SDC1: variants seen among roughly 807,000 people sequenced by gnomAD.
The protein encoded by SDC1 is syndecan 1.
A neutral mutation model predicts 29.7 loss-of-function variants in SDC1; 14 were observed. That is an observed-to-expected ratio of 0.47 (90% CI 0.31 to 0.74). The LOEUF is 0.74. Among genes scored for constraint, SDC1 ranks in the 30% least tolerant of loss-of-function variants. The pLI is 0.05. For synonymous variants in SDC1, 204 were observed against 175.5 expected (o/e 1.16, Z -1.29); for missense variants, 406 against 400.3 (o/e 1.01, Z -0.12).
intron 1 of SDC1, among the ~76,000 whole-genome samples, chr2:20,221,527 T>G (rs1677813906): frequency 1.3e-5 from 2 of 152,106 alleles, no homozygotes; most frequent in Non-Finnish European, 2.9e-5. Context: ...GCCTAGCATT[T>G]TTTGGTTGAT....
At chr2:20,213,892 T>C (rs940068690) in intron 1 of SDC1, among the ~76,000 whole-genome samples, 5 of 152,130 alleles carry the variant, frequency 3.3e-5, no homozygotes, top group Non-Finnish European at 4.4e-5. Flanking sequence ...TGTGTGAAGG[T>C]GGGGGAGGGG....
At position 20,224,006 on chromosome 2, in the gene SDC1, G is replaced by A. The variant is rs1677908190; in HGVS notation, c.66+796C>T. On this transcript the variant is annotated intron_variant, in intron 1 of 4. Coordinates refer to ENST00000254351, the MANE Select transcript of SDC1 (RefSeq NM_002997.5). The surrounding 1 kb of genome is among the most constrained non-coding windows in gnomAD (Gnocchi z 4.9). The stretch of plus-strand genomic sequence containing the variant: ...GGCTTCAGCACAAAGCCGAGCCGGG[G>A]AGCGGGAGGCCATTCCCGGGTCCCC... Among the ~76,000 whole-genome samples, 1 of 152,180 alleles carries A rather than the reference G, an allele frequency of 6.6e-6. No individual in the cohort carries two copies.
In SDC1 at chr2:20,224,707, G is replaced by T; in HGVS notation, c.66+95C>A. On this transcript the variant is annotated intron_variant, in intron 1 of 4. Coordinates refer to ENST00000254351, the MANE Select transcript of SDC1 (RefSeq NM_002997.5). This position sits in a 1 kb window ranked among gnomAD's most constrained non-coding sequence, Gnocchi z 4.9. ...TAGCGCGGGAAGAAGGGAAGTCTTC[G>T]CTCCCCCTCCCCCTCCACGTGCACC... 8.3e-7 allele frequency: 1 copy of T among 1,202,618 alleles called. No homozygotes were observed. Among genetic ancestry groups the T allele is most frequent in the Non-Finnish European group, 1.0e-6 (1 of 963,984 alleles). The allele number at this position is 1,202,618 out of a possible 1,614,324, so 74.5% of individuals were successfully genotyped here. A position where few individuals can be genotyped will look rare whatever the true frequency, so the allele number is the denominator to read the frequency against.
chr2:20,202,978 G>A (rs771050282), intron 4 of SDC1, 43 bp from the exon 5 acceptor site: 11 of 1,580,634 alleles, frequency 7.0e-6, no homozygotes, highest in Non-Finnish European at 9.5e-6. Flanking sequence ...GCGGCTCCTT[G>A]GGCTCTGCTG....
At chr2:20,204,366 TCG>T in intron 2 of SDC1, 75 bp from the exon 3 acceptor site, 1 of 624,714 alleles carries the variant, frequency 1.6e-6, no homozygotes, top group Non-Finnish European at 2.7e-6. Context: ...GTTGGGTGGG[TCG>T]GGGGAGGCTC....
Position 20,224,213 on chromosome 2 carries a change from C to CG in SDC1, c.66+588dup, listed in dbSNP as rs1452834679. 2.4e-6 allele frequency: 1 copy of CG among 414,586 alleles called. No individual in the cohort carries two copies. The highest frequency in any genetic ancestry group is 4.8e-6 in the Non-Finnish European group (1 of 208,020). 25.7% of individuals were successfully genotyped at this position (414,586 alleles called of 1,614,324 possible). A position where few individuals can be genotyped will look rare whatever the true frequency, so the allele number is the denominator to read the frequency against. On this transcript the variant is annotated intron_variant, in intron 1 of 4. Transcript: ENST00000254351. This position sits in a 1 kb window ranked among gnomAD's most constrained non-coding sequence, Gnocchi z 4.9. ...CACCTCGAGCCGCCCACGGCAAGCC[C>CG]GAGGGCCCTGCAGACGCTCGCCCGC...
chr2:20,217,607 C>T (rs934362281), intron 1 of SDC1, among the ~76,000 whole-genome samples: 1 of 152,208 alleles, frequency 6.6e-6, no homozygotes, highest in Admixed American at 6.5e-5. Context: ...AGGGCCAAGA[C>T]AGAAAGCCAG....
intron 2 of SDC1, 31 bp downstream of exon 2, chr2:20,205,312 T>G (rs1677224059): frequency 1.3e-6 from 2 of 1,576,288 alleles, no homozygotes; most frequent in African/African-American, 1.3e-5. Flanking sequence ...GTTGCCGTCT[T>G]GGGTGGGGGG....
chr2:20,204,525 C>T (rs28609977), intron 2 of SDC1, among the ~76,000 whole-genome samples: 4,813 of 152,012 alleles, frequency 0.032, 248 homozygotes, highest in African/African-American at 0.11. Context: ...TCTGGAGCCA[C>T]GAGACAGGTG....
chr2:20,219,503 C>T (rs542204959), intron 1 of SDC1, among the ~76,000 whole-genome samples: 2 of 152,292 alleles, frequency 1.3e-5, no homozygotes, highest in South Asian at 4.1e-4. Context: ...ACAACCTGCA[C>T]CCCAAACATA....
intron 1 of SDC1, among the ~76,000 whole-genome samples, chr2:20,218,544 GAC>G (rs1302442723): frequency 4.0e-5 from 6 of 148,550 alleles, no homozygotes; most frequent in South Asian, 2.1e-4. Context: ...CACACACACA[GAC>G]ACACACACAC....
chr2:20,224,356 C>A lies in SDC1; in HGVS notation c.66+446G>T, dbSNP rs553762358. The A allele has an allele frequency of 5.4e-4, 83 of 152,392 alleles. No individual in the cohort carries two copies. Among genetic ancestry groups the A allele is most frequent in the Non-Finnish European group, 1.0e-3 (69 of 68,680 alleles). 9.4% of individuals were successfully genotyped at this position (152,392 alleles called of 1,614,324 possible). A position where few individuals can be genotyped will look rare whatever the true frequency, so the allele number is the denominator to read the frequency against. ...CAAGGGGCGGGGCGCCCGGGCTCGG[C>A]GGCGCTGGGGCGCAAGCCCGCGGGT... On this transcript the variant is annotated intron_variant, in intron 1 of 4. Transcript: ENST00000254351. This position sits in a 1 kb window ranked among gnomAD's most constrained non-coding sequence, Gnocchi z 4.9.
Position 20,210,420 on chromosome 2 carries a change from A to G in SDC1, c.67-4996T>C, listed in dbSNP as rs371522122. On this transcript the variant is annotated intron_variant, in intron 1 of 4. Coordinates refer to ENST00000254351, the MANE Select transcript of SDC1 (RefSeq NM_002997.5). ...GGGGGATTTAAAAAGGGGGAGCTTC[A>G]GAGGCTGAAGTACAGAGGGCTTCCC... 2.8e-3 allele frequency among the ~76,000 whole-genome samples: 427 copies of G among 152,330 alleles called. 6 individuals are homozygous for G. The highest frequency in any genetic ancestry group is 4.1e-3 in the Non-Finnish European group (282 of 68,040).
intron 1 of SDC1, among the ~76,000 whole-genome samples, chr2:20,213,899 G>A (rs563145467): frequency 2.6e-5 from 4 of 152,226 alleles, no homozygotes; most frequent in African/African-American, 4.8e-5. Flanking sequence ...AGGTGGGGGA[G>A]GGGAACAAGC....
intron 1 of SDC1, among the ~76,000 whole-genome samples, chr2:20,217,011 T>C (rs573001008): frequency 1.1e-3 from 163 of 151,936 alleles, no homozygotes; most frequent in African/African-American, 3.7e-3. Flanking sequence ...TGCACACGAG[T>C]GGTCCTAGAG....
intron 1 of SDC1, among the ~76,000 whole-genome samples, chr2:20,215,889 CA>C (rs1289242701): frequency 2.2e-5 from 3 of 136,086 alleles, no homozygotes; most frequent in Admixed American, 7.2e-5. Context: ...TTCTCGGTCC[CA>C]CCTCAGCTGT....
At position 20,202,857 on chromosome 2, in the gene SDC1, T is replaced by G; in HGVS notation, c.842A>C (p.Lys281Thr). The change falls in exon 5 of 5, where the codon AAG (lysine) becomes ACG (threonine). Residue 281 changes from lysine (K) to threonine (T), a missense_variant. Physicochemically the swap from Lys to Thr is moderately conservative, Grantham distance 78. Coordinates refer to ENST00000254351, the MANE Select transcript of SDC1 (RefSeq NM_002997.5). ...CTCCAAGGAGTAGCTGCCTTCGTCC[T>G]TCTTCTTCATGCGGTACAGCATGAA... ...VGFMLYRMKK[K>T]DEGSYSLEEP... is the part of the protein sequence containing the mutation. 6.2e-7 allele frequency: 1 copy of G among 1,613,822 alleles called. No individual in the cohort carries two copies. Among genetic ancestry groups the G allele is most frequent in the Non-Finnish European group, 8.5e-7 (1 of 1,179,908 alleles).
intron 1 of SDC1, among the ~76,000 whole-genome samples, chr2:20,210,024 T>C (rs1193714322): frequency 6.6e-6 from 1 of 152,080 alleles, no homozygotes; most frequent in African/African-American, 2.4e-5. Flanking sequence ...TTGAAGTGAG[T>C]GATGGGTAAA....
At chr2:20,206,690 G>A (rs532816624) in intron 1 of SDC1, among the ~76,000 whole-genome samples, 5 of 152,338 alleles carry the variant, frequency 3.3e-5, no homozygotes, top group Admixed American at 2.0e-4. Flanking sequence ...TAGGAACTCC[G>A]GATCCTGCCA....
Sources: gnomAD v4.1 joint callset for allele counts (sites outside exome capture counted in the v4.1 genomes callset) on GRCh38, gnomAD v4.1.1 for gene constraint, Gnocchi (gnomAD v3.1) non-coding constraint, MANE v1.5 for transcripts, NCBI Gene and HGNC (gene_info 2026-07-23, HGNC 2026-07-21) for gene names.